The following LOC400499 variants were observed in gnomAD, a reference collection of about 807,000 sequenced individuals.
the LOC400499 span, chr16:11,385,430 G>A: frequency 1.7e-4 from 212 of 1,232,076 alleles, no homozygotes; most frequent in African/African-American, 3.0e-3. Flanking sequence ...GGTAGAAGCA[G>A]CCCAAAGGCA....
At chr16:11,447,992 G>C in the LOC400499 span, 1 of 1,536,068 alleles carries the variant, frequency 6.5e-7, no homozygotes, top group Non-Finnish European at 8.7e-7. Flanking sequence ...AGCTCCTCCA[G>C]CTCTCCTTCC....
At chr16:11,482,891 CAAAA>C in the LOC400499 span, among the ~76,000 whole-genome samples, 1 of 100,860 alleles carries the variant, frequency 9.9e-6, no homozygotes, top group Non-Finnish European at 2.1e-5. Flanking sequence ...GACCTCAACT[CAAAA>C]AAAAAAAAAA....
the LOC400499 span, chr16:11,390,167 C>A: frequency 1.6e-6 from 2 of 1,232,390 alleles, no homozygotes; most frequent in Non-Finnish European, 2.0e-6. Context: ...CCCGTGAGAA[C>A]GTGGCCTCAG....
chr16:11,468,274 G>A, the LOC400499 span, among the ~76,000 whole-genome samples: 2 of 152,174 alleles, frequency 1.3e-5, no homozygotes, highest in South Asian at 4.1e-4. Flanking sequence ...ACTTCTGCAG[G>A]AAATTTGGGA....
the LOC400499 span, chr16:11,514,280 CT>C: frequency 2.5e-6 from 1 of 398,880 alleles, no homozygotes. Flanking sequence ...GGAACGGAAC[CT>C]GGGCCTGCTT....
chr16:11,394,872 A>C, the LOC400499 span, among the ~76,000 whole-genome samples: 40,249 of 152,082 alleles, frequency 0.26, 5,997 homozygotes, highest in African/African-American at 0.4. Flanking sequence ...TTGCTTTTGG[A>C]CTTCTGGCCT....
the LOC400499 span, among the ~76,000 whole-genome samples, chr16:11,432,067 G>T: frequency 1.3e-5 from 2 of 152,298 alleles, no homozygotes; most frequent in Non-Finnish European, 2.9e-5. Flanking sequence ...AAGAGAGAGG[G>T]GGATGCACAT....
the LOC400499 span, chr16:11,404,851 T>G: frequency 2.5e-6 from 1 of 398,912 alleles, no homozygotes; most frequent in Non-Finnish European, 4.4e-6. Flanking sequence ...AACAGCTCCC[T>G]GGGAAGAGCG....
chr16:11,503,116 GT>G, the LOC400499 span, among the ~76,000 whole-genome samples: 1 of 143,512 alleles, frequency 7.0e-6, no homozygotes, highest in South Asian at 2.1e-4. Context: ...TAGAGATGAG[GT>G]TTCACCATGT....
chr16:11,491,866 G>C, the LOC400499 span: 3 of 398,770 alleles, frequency 7.5e-6, no homozygotes, highest in African/African-American at 6.2e-5. Context: ...CAGAAGGAAA[G>C]CCATCACCCA....
At chr16:11,399,202 C>T in the LOC400499 span, 2 of 985,172 alleles carry the variant, frequency 2.0e-6, no homozygotes, top group East Asian at 1.1e-4. Context: ...CCCGAGAAGC[C>T]CCCTAGCATC....
chr16:11,487,518 G>A, the LOC400499 span: 2 of 370,434 alleles, frequency 5.4e-6, no homozygotes, highest in Non-Finnish European at 9.1e-6. Context: ...GGCCAGGATG[G>A]GAAACAGCCT....
chr16:11,405,086 G>C, the LOC400499 span, among the ~76,000 whole-genome samples: 1 of 152,198 alleles, frequency 6.6e-6, no homozygotes, highest in Non-Finnish European at 1.5e-5. Context: ...TGGCCAACAG[G>C]AGACAGCACA....
chr16:11,380,041 T>C, the LOC400499 span, among the ~76,000 whole-genome samples: 1 of 152,132 alleles, frequency 6.6e-6, no homozygotes, highest in Non-Finnish European at 1.5e-5. Flanking sequence ...CAATGTAACC[T>C]CAAGCCCCTG....
At chr16:11,459,321 C>T in the LOC400499 span, among the ~76,000 whole-genome samples, 409 of 151,316 alleles carry the variant, frequency 2.7e-3, no homozygotes, top group African/African-American at 9.7e-3. Context: ...CTCAGCCTCC[C>T]GAGTAGCTGG....
chr16:11,423,999 G>A, the LOC400499 span: 3 of 398,590 alleles, frequency 7.5e-6, no homozygotes, highest in Non-Finnish European at 1.3e-5. Context: ...ATCACCGTCA[G>A]CCCGGCCGCC....
the LOC400499 span, chr16:11,488,738 G>A: frequency 3.8e-5 from 15 of 398,868 alleles, no homozygotes; most frequent in Non-Finnish European, 6.2e-5. Context: ...AGAATAGGAC[G>A]AGTGTTTCCA....
chr16:11,458,314 C>G, the LOC400499 span, among the ~76,000 whole-genome samples: 5 of 152,082 alleles, frequency 3.3e-5, no homozygotes, highest in Non-Finnish European at 7.4e-5. Context: ...CCACTGCACT[C>G]CAGCCTGGGC....
At chr16:11,516,025 G>A in the LOC400499 span, 1 of 399,396 alleles carries the variant, frequency 2.5e-6, no homozygotes, top group Non-Finnish European at 4.4e-6. Flanking sequence ...AGTCCCCATG[G>A]TGCTGGTATG....
Sources: allele counts gnomAD v4.1 joint callset (sites outside exome capture counted in the v4.1 genomes callset), GRCh38; gene constraint gnomAD v4.1.1; transcripts MANE v1.5.